Variants in ARL17B observed in about 807,000 individuals in gnomAD.
ARL17B encodes ARF like GTPase 17B.
chr17:46,288,305 CTTTT>C (rs78255121), intron 4 of ARL17B, among the ~76,000 whole-genome samples: 9 of 112,226 alleles, frequency 8.0e-5, no homozygotes, highest in Non-Finnish European at 1.0e-4. Flanking sequence ...CCAGGCCCGG[CTTTT>C]TTTTTTTTTT....
chr17:46,317,135 C>A lies in ARL17B; in HGVS notation c.260-17470G>T, dbSNP rs563869643. On this transcript the variant is annotated intron_variant, in intron 3 of 4. Transcript: ENST00000434041. ...CTCAATGAGCTGTTGGGTACACCTC[C>A]CAGATGGGGTGGCGGCCGGGCAGAG... 2.3e-4 allele frequency among the ~76,000 whole-genome samples: 21 copies of A among 89,370 alleles called. 3 individuals are homozygous for A. Among genetic ancestry groups the A allele is most frequent in the African/African-American group, 6.2e-4 (21 of 33,642 alleles). The allele number at this position is 89,370 out of a possible 152,430, so 58.6% of individuals were successfully genotyped here. A position where few individuals can be genotyped will look rare whatever the true frequency, so the allele number is the denominator to read the frequency against.
At chr17:46,275,246 G>A (rs2049555278) in exon 5 of ARL17B, 1 of 468,980 alleles carries the variant, frequency 2.1e-6, no homozygotes, top group Non-Finnish European at 3.6e-6. Flanking sequence ...TAATTGGACT[G>A]TTATGACCAA....
downstream of ARL17B, chr17:46,331,075 A>G (rs541655426): frequency 1.4e-6 from 1 of 716,224 alleles, no homozygotes; most frequent in African/African-American, 1.8e-5. Context: ...AAGCCCTACC[A>G]CAGGTGAGAG....
At chr17:46,291,075 A>G (rs2143458703) in intron 4 of ARL17B, among the ~76,000 whole-genome samples, 1 of 152,358 alleles carries the variant, frequency 6.6e-6, no homozygotes. Flanking sequence ...CATAAAGTCA[A>G]AAGAGAAGCA....
chr17:46,275,894 ATTTT>A (rs149367039), intron 4 of ARL17B, among the ~76,000 whole-genome samples: 1 of 147,590 alleles, frequency 6.8e-6, no homozygotes, highest in African/African-American at 2.5e-5. Flanking sequence ...TTTATTCACA[ATTTT>A]TTTTTTTTTT....
chr17:46,276,826 C>T (rs1412607271), intron 4 of ARL17B, among the ~76,000 whole-genome samples: 1 of 137,322 alleles, frequency 7.3e-6, no homozygotes, highest in Non-Finnish European at 1.5e-5. Context: ...TGTTTTGAGA[C>T]AGGGTCTCAC....
rs751206139 is a variant in ARL17B at position 46,335,570 on chromosome 17, A to G, written c.*3930T>C. On this transcript the variant is annotated 3_prime_UTR_variant, in exon 4 of 4. Coordinates refer to ENST00000450673, the MANE Select transcript of ARL17B (RefSeq NM_001039083.5). ...ATATGTTGTCACCGAAGGTCATTACAAGAAGATGAAGAAGGATTCTCAAGG... is the reference window on the plus strand; with the variant it reads ...ATATGTTGTCACCGAAGGTCATTACGAGAAGATGAAGAAGGATTCTCAAGG... 38 of 182,780 alleles carry G rather than the reference A, an allele frequency of 2.1e-4. 13 individuals are homozygous for G. Among genetic ancestry groups the G allele is most frequent in the East Asian group, 1.2e-3 (38 of 32,818 alleles). The allele number at this position is 182,780 out of a possible 1,614,324, so 11.3% of individuals were successfully genotyped here.
At chr17:46,275,239 T>C (rs1465315276) in exon 5 of ARL17B, 14 of 398,570 alleles carry the variant, frequency 3.5e-5, no homozygotes, top group Non-Finnish European at 5.0e-5. Context: ...AATAATATAA[T>C]TGGACTGTTA....
intron 4 of ARL17B, chr17:46,275,482 G>A (rs373700973): frequency 3.4e-5 from 23 of 684,700 alleles, no homozygotes; most frequent in East Asian, 9.3e-5. Flanking sequence ...TGCTTTATGC[G>A]GATGCCAAAG....
chr17:46,292,062 T>A lies in ARL17B; in HGVS notation c.*21+7464A>T, dbSNP rs1050074790. On this transcript the variant is annotated intron_variant, in intron 4 of 4. Coordinates refer to the ARL17B transcript ENST00000570618. The stretch of plus-strand genomic sequence containing the variant: ...GAGCAATTTGACAGGCCAGGCCCAG[T>A]GGCTCACACCTGCAATCCCAGCACT... Among the ~76,000 whole-genome samples, 14 of 142,346 alleles carry A rather than the reference T, an allele frequency of 9.8e-5. 1 individual carries two copies. The highest frequency in any genetic ancestry group is 3.7e-4 in the African/African-American group (14 of 38,200). 93.4% of individuals were successfully genotyped at this position (142,346 alleles called of 152,430 possible). A position where few individuals can be genotyped will look rare whatever the true frequency, so the allele number is the denominator to read the frequency against.
downstream of ARL17B, among the ~76,000 whole-genome samples, chr17:46,332,948 C>A (rs1281342700): frequency 6.6e-6 from 1 of 151,296 alleles, no homozygotes; most frequent in Admixed American, 6.6e-5. Context: ...ACTATGTCAA[C>A]AATTGGATGT....
At chr17:46,285,960 A>G (rs963804736) in intron 4 of ARL17B, among the ~76,000 whole-genome samples, 3 of 152,244 alleles carry the variant, frequency 2.0e-5, no homozygotes, top group African/African-American at 7.2e-5. Flanking sequence ...TGGTGTGAGC[A>G]CTGTCATGAC....
intron 4 of ARL17B, among the ~76,000 whole-genome samples, chr17:46,278,348 A>C (rs2696530): frequency 0.067 from 9,963 of 149,688 alleles, no homozygotes; most frequent in Non-Finnish European, 0.098. Context: ...TCCCACCTCC[A>C]TTTTTGAGTC....
At chr17:46,285,731 G>T (rs1218863122) in intron 4 of ARL17B, among the ~76,000 whole-genome samples, 1 of 152,192 alleles carries the variant, frequency 6.6e-6, no homozygotes, top group Non-Finnish European at 1.5e-5. Context: ...GTATGTGAAG[G>T]ACTGAAGTTT....
Position 46,304,900 on chromosome 17 carries a change from G to A in ARL17B, c.260-5235C>T, listed in dbSNP as rs1235802272. The stretch of plus-strand genomic sequence containing the variant: ...GTTTGTTTGTTTGAGACGGAATCTC[G>A]CTCTGTCGCCCAGGCTGGAGTGCAG... On this transcript the variant is annotated intron_variant, in intron 3 of 4. Coordinates refer to the ARL17B transcript ENST00000434041. Among the ~76,000 whole-genome samples the A allele has an allele frequency of 1.8e-4, 12 of 67,888 alleles. 1 individual carries two copies. Among genetic ancestry groups the A allele is most frequent in the African/African-American group, 3.5e-4 (10 of 28,612 alleles). The allele number at this position is 67,888 out of a possible 152,430, so 44.5% of individuals were successfully genotyped here. A position where few individuals can be genotyped will look rare whatever the true frequency, so the allele number is the denominator to read the frequency against.
downstream of ARL17B, among the ~76,000 whole-genome samples, chr17:46,298,784 G>A (rs1446698330): frequency 1.2e-5 from 1 of 85,880 alleles, no homozygotes; most frequent in African/African-American, 3.8e-5. Context: ...TAAAAAGGGA[G>A]GTATATATAA....
chr17:46,276,372 C>T (rs2049587233), intron 4 of ARL17B, among the ~76,000 whole-genome samples: 1 of 152,342 alleles, frequency 6.6e-6, no homozygotes, highest in Non-Finnish European at 1.5e-5. Context: ...TACCACTATA[C>T]ATCGTTAACA....
chr17:46,343,129 T>TG (rs1401707760), intron 3 of ARL17B, among the ~76,000 whole-genome samples: 1 of 100,204 alleles, frequency 1.0e-5, no homozygotes, highest in Non-Finnish European at 1.9e-5. Flanking sequence ...CCTTAAAGAA[T>TG]GCCACCAGCA....
At chr17:46,281,195 G>A (rs2532321) in intron 4 of ARL17B, among the ~76,000 whole-genome samples, 15,070 of 143,558 alleles carry the variant, frequency 0.1, 2 homozygotes, top group Middle Eastern at 0.17. Context: ...TGTCCACCTG[G>A]CTTATAATGT....
Sources: gnomAD v4.1 joint callset for allele counts (sites outside exome capture counted in the v4.1 genomes callset) on GRCh38, gnomAD v4.1.1 for gene constraint, MANE v1.5 for transcripts, NCBI Gene and HGNC (gene_info 2026-07-23, HGNC 2026-07-21) for gene names.